Variants in NAV3 observed in about 807,000 individuals in gnomAD.
The protein encoded by NAV3 is neuron navigator 3, also known as pore membrane and/or filament interacting like protein 1.
NAV3 carries 87 observed loss-of-function variants against 244.7 expected under a neutral mutation model. The ratio of observed to expected loss-of-function variants is 0.36; its 90% CI spans 0.30 to 0.42. The LOEUF is 0.42. NAV3 is among the 20% of genes least tolerant of loss of function. The probability of loss-of-function intolerance (pLI) is 1.00; values close to 1 mark genes in which losing one functional copy is unlikely to be tolerated. For missense variants in NAV3, 2,663 were observed against 2,893.3 expected (o/e 0.92, Z 1.83); for synonymous variants, 1,126 against 1,042.2 (o/e 1.08, Z -1.55).
At chr12:78,021,135 T>C (rs1877086219) in intron 8 of NAV3, among the ~76,000 whole-genome samples, 1 of 152,172 alleles carries the variant, frequency 6.6e-6, no homozygotes, top group South Asian at 2.1e-4. Context: ...TTAGACACAC[T>C]CTTTACAAGT....
chr12:77,614,074 CTTTTT>C (rs71440485), intron 2 of NAV3, among the ~76,000 whole-genome samples: 63 of 95,650 alleles, frequency 6.6e-4, no homozygotes, highest in Middle Eastern at 6.3e-3. Flanking sequence ...TTCTTTCTCT[CTTTTT>C]TTTTTTTTTT....
At chr12:78,121,171 A>C (rs1311214359) in intron 15 of NAV3, among the ~76,000 whole-genome samples, 2 of 152,202 alleles carry the variant, frequency 1.3e-5, no homozygotes, top group Non-Finnish European at 2.9e-5. Flanking sequence ...TTATGCCATT[A>C]CTTCATATCA....
intron 1 of NAV3, among the ~76,000 whole-genome samples, chr12:77,848,896 A>T (rs573937370): frequency 2.0e-5 from 3 of 152,342 alleles, no homozygotes; most frequent in African/African-American, 4.8e-5. Context: ...TATTTTCAAT[A>T]TGATTCCATG....
chr12:77,941,205 A>T (rs1889837593), intron 3 of NAV3, 72 bp downstream of exon 3: 1 of 977,408 alleles, frequency 1.0e-6, no homozygotes, highest in African/African-American at 1.6e-5. Flanking sequence ...TTGTAAATGG[A>T]TATTATTTTT....
At chr12:77,857,594 T>G (rs1184618452) in intron 1 of NAV3, among the ~76,000 whole-genome samples, 1 of 151,852 alleles carries the variant, frequency 6.6e-6, no homozygotes, top group Non-Finnish European at 1.5e-5. Context: ...GTTCCTTTTG[T>G]CTGAATTTTA....
chr12:77,710,172 A>G (rs972378255), intron 2 of NAV3, among the ~76,000 whole-genome samples: 2 of 152,230 alleles, frequency 1.3e-5, no homozygotes, highest in Non-Finnish European at 2.9e-5. Flanking sequence ...GCTGTATTCC[A>G]AACATAACAA....
chr12:78,187,997 C>T (rs1408443050), intron 31 of NAV3, among the ~76,000 whole-genome samples: 1 of 151,880 alleles, frequency 6.6e-6, no homozygotes, highest in East Asian at 1.9e-4. Flanking sequence ...CCTCGACATG[C>T]TGCTTTATCT....
intron 2 of NAV3, among the ~76,000 whole-genome samples, chr12:77,679,575 A>C (rs1874358027): frequency 6.6e-6 from 1 of 152,226 alleles, no homozygotes; most frequent in African/African-American, 2.4e-5. Context: ...TTGTTTATTA[A>C]GTGATAGTTT....
intron 2 of NAV3, among the ~76,000 whole-genome samples, chr12:77,603,613 A>G (rs1870537906): frequency 6.6e-6 from 1 of 152,102 alleles, no homozygotes; most frequent in South Asian, 2.1e-4. Context: ...GGATTAATAA[A>G]AATTGAGTAA....
chr12:78,044,324 A>G lies in NAV3; in HGVS notation c.2024-5669A>G, dbSNP rs1330818728. On this transcript the variant is annotated intron_variant, in intron 9 of 39. Coordinates refer to ENST00000397909, the MANE Select transcript of NAV3 (RefSeq NM_001024383.2). ...TTGGTACCAGTACCATGCTGTTTTG[A>G]TTACTATGGCCCTGGAGTATACTTT... is the stretch of plus-strand genomic sequence containing the variant. Among the ~76,000 whole-genome samples, 38 of 152,038 alleles carry G rather than the reference A, an allele frequency of 2.5e-4. 2 individuals are homozygous for G. The highest frequency in any genetic ancestry group is 1.5e-5 in the Non-Finnish European group (1 of 67,996).
intron 1 of NAV3, among the ~76,000 whole-genome samples, chr12:77,918,582 C>T (rs930516334): frequency 6.6e-6 from 1 of 152,024 alleles, no homozygotes; most frequent in Admixed American, 6.6e-5. Flanking sequence ...AAGTTCATTG[C>T]TGCTCTACGG....
intron 1 of NAV3, among the ~76,000 whole-genome samples, chr12:77,934,240 G>C (rs1222764923): frequency 6.6e-6 from 1 of 152,018 alleles, no homozygotes; most frequent in Non-Finnish European, 1.5e-5. Flanking sequence ...CCCGAAGGTA[G>C]GATTCCTGTC....
At position 77,920,892 on chromosome 12, in the gene NAV3, C is replaced by T. The variant is rs181871367; in HGVS notation, c.244-19427C>T. Reference sequence around the variant, plus strand: ...CGGATAGTAGTAGACTTTCCAAGGTCACCATTTGGATTCATATGAATTATT... The same window carrying T: ...CGGATAGTAGTAGACTTTCCAAGGTTACCATTTGGATTCATATGAATTATT... On this transcript the variant is annotated intron_variant, in intron 1 of 39. Transcript: ENST00000397909. Among the ~76,000 whole-genome samples, 8 of 152,206 alleles carry T rather than the reference C, an allele frequency of 5.3e-5. No individual in the cohort carries two copies. The East Asian group carries it at 1.4e-3, about 26-fold the overall frequency.
intron 1 of NAV3, among the ~76,000 whole-genome samples, chr12:77,935,357 AT>A (rs1196386697): frequency 4.6e-5 from 7 of 152,154 alleles, no homozygotes; most frequent in Non-Finnish European, 7.4e-5. Context: ...TCATCCTCAT[AT>A]TTATAGTGAA....
chr12:78,188,580 G>C lies in NAV3; in HGVS notation c.5887-29G>C, dbSNP rs369297713. 1.9e-6 allele frequency: 3 copies of C among 1,599,664 alleles called. No homozygotes were observed. In the African/African-American group the frequency reaches 4.0e-5, roughly 21 times the overall value. ...TGTAGATGAGTTGAACCTCTGTTTT[G>C]ATTTTATTTTTTGTGTGTACCATTG... On this transcript the variant is annotated intron_variant, in intron 32 of 39. Coordinates refer to ENST00000397909, the MANE Select transcript of NAV3 (RefSeq NM_001024383.2).
chr12:77,757,146 G>A (rs1869222998), intron 2 of NAV3, among the ~76,000 whole-genome samples: 1 of 152,148 alleles, frequency 6.6e-6, no homozygotes, highest in African/African-American at 2.4e-5. Context: ...ATCCTTAACT[G>A]GGGCTTGCCA....
intron 2 of NAV3, among the ~76,000 whole-genome samples, chr12:77,629,293 T>G (rs1871781234): frequency 6.6e-6 from 1 of 152,254 alleles, no homozygotes; most frequent in Admixed American, 6.5e-5. Flanking sequence ...TTATAAATTT[T>G]ATGTGCTAAA....
At chr12:77,948,570 A>G (rs1270622301) in intron 3 of NAV3, among the ~76,000 whole-genome samples, 1 of 151,890 alleles carries the variant, frequency 6.6e-6, no homozygotes, top group Non-Finnish European at 1.5e-5. Context: ...AACACAAAAT[A>G]CAATCATTGT....
At chr12:77,817,860 T>G (rs1378517885) in intron 2 of NAV3, among the ~76,000 whole-genome samples, 2 of 152,122 alleles carry the variant, frequency 1.3e-5, no homozygotes, top group Non-Finnish European at 2.9e-5. Flanking sequence ...ATAAATGTGT[T>G]CCTAAGCATC....
Sources: allele counts gnomAD v4.1 joint callset (sites outside exome capture counted in the v4.1 genomes callset), GRCh38; gene constraint gnomAD v4.1.1; transcripts MANE v1.5; gene names NCBI Gene and HGNC (gene_info 2026-07-23, HGNC 2026-07-21).